The following DNAH11 variants were observed in gnomAD, a reference collection of about 807,000 sequenced individuals.
The protein encoded by DNAH11 is axonemal beta dynein heavy chain 11.
In DNAH11, 442 loss-of-function variants were observed where a neutral mutation model predicts 526.0. The observed-to-expected ratio is 0.84, with a 90% confidence interval of 0.78 to 0.91. The LOEUF is 0.91. Ranked by LOEUF, DNAH11 falls within the 40% of genes least tolerant of loss-of-function variation. DNAH11 has a pLI of 0.00. For synonymous variants in DNAH11, 2,461 were observed against 1,935.9 expected, an observed-to-expected ratio of 1.27 and a Z score of -7.12; for missense variants, 6,989 against 5,448.7, an observed-to-expected ratio of 1.28 and a Z score of -8.90.
At chr7:21,878,743 A>AGCT (rs1783805564) in intron 74 of DNAH11, among the ~76,000 whole-genome samples, 1 of 152,104 alleles carries the variant, frequency 6.6e-6, no homozygotes, top group South Asian at 2.1e-4. Context: ...GAAACTGAAA[A>AGCT]GCTCTCTGAT....
intron 57 of DNAH11, 114 bp downstream of exon 57, chr7:21,779,218 T>TA: frequency 7.7e-7 from 1 of 1,294,740 alleles, no homozygotes; most frequent in Non-Finnish European, 1.0e-6. Flanking sequence ...TCTAAAGAAT[T>TA]ATTATAGTTA....
At chr7:21,548,857 C>T (rs1250757877) in intron 2 of DNAH11, among the ~76,000 whole-genome samples, 2 of 151,704 alleles carry the variant, frequency 1.3e-5, no homozygotes, top group Admixed American at 6.6e-5. Flanking sequence ...ATCTGACCTC[C>T]GCAATGTGGG....
chr7:21,641,574 C>G (rs1787132222), intron 28 of DNAH11, among the ~76,000 whole-genome samples: 1 of 152,234 alleles, frequency 6.6e-6, no homozygotes, highest in Non-Finnish European at 1.5e-5. Context: ...GTCACCAACT[C>G]TGTTCACCCT....
intron 68 of DNAH11, 66 bp downstream of exon 68, chr7:21,854,521 A>C (rs1782760372): frequency 6.9e-7 from 1 of 1,441,620 alleles, no homozygotes; most frequent in Admixed American, 2.1e-5. Context: ...GGAACATTGG[A>C]ATTTATTTTA....
At chr7:21,894,077 C>A (rs1562608112) in intron 77 of DNAH11, among the ~76,000 whole-genome samples, 1 of 152,070 alleles carries the variant, frequency 6.6e-6, no homozygotes, top group Non-Finnish European at 1.5e-5. Context: ...TTAGTAGAGA[C>A]AGAGTTTCAC....
At position 21,793,793 on chromosome 7, in the gene DNAH11, T is replaced by A. The variant is rs531203238; in HGVS notation, c.10026+4451T>A. On this transcript the variant is annotated intron_variant, in intron 61 of 81. Transcript: ENST00000409508. ...GTGTTGAAGTCCCCTGCTATTACTG[T>A]ATTTCAGTCTATCCACTTAGATCTA... Among the ~76,000 whole-genome samples the A allele has an allele frequency of 1.0e-3, 159 of 152,336 alleles. 1 individual carries two copies. Among genetic ancestry groups the A allele is most frequent in the African/African-American group, 3.7e-3 (152 of 41,584 alleles).
intron 79 of DNAH11, among the ~76,000 whole-genome samples, chr7:21,897,114 C>G (rs964529995): frequency 6.6e-6 from 1 of 152,006 alleles, no homozygotes; most frequent in African/African-American, 2.4e-5. Flanking sequence ...ATTATCAGTT[C>G]CAGGTTTTTT....
intron 12 of DNAH11, among the ~76,000 whole-genome samples, chr7:21,589,621 G>T (rs1434293274): frequency 1.3e-5 from 2 of 151,614 alleles, no homozygotes; most frequent in African/African-American, 2.4e-5. Flanking sequence ...TCTTTACCAC[G>T]CCACCCTCAC....
intron 14 of DNAH11, among the ~76,000 whole-genome samples, chr7:21,599,406 C>G (rs1773422890): frequency 1.3e-5 from 2 of 152,174 alleles, no homozygotes; most frequent in African/African-American, 2.4e-5. Context: ...TGACAGATCT[C>G]TTTATTTATA....
At chr7:21,675,513 C>G (rs1430148953) in intron 30 of DNAH11, among the ~76,000 whole-genome samples, 2 of 152,246 alleles carry the variant, frequency 1.3e-5, no homozygotes, top group Admixed American at 6.5e-5. Context: ...ATACTTTCTA[C>G]TTGCCCTAGC....
intron 28 of DNAH11, among the ~76,000 whole-genome samples, chr7:21,646,583 G>A (rs1787364118): frequency 6.6e-6 from 1 of 152,134 alleles, no homozygotes. Flanking sequence ...GCAGAGTGCT[G>A]AATAGTGCAC....
chr7:21,659,266 G>T (rs1782149150), intron 30 of DNAH11, among the ~76,000 whole-genome samples: 1 of 148,062 alleles, frequency 6.8e-6, no homozygotes, highest in African/African-American at 2.5e-5. Context: ...CTCTAGGATA[G>T]CACTCATACT....
chr7:21,851,783 C>T (rs903344829), intron 66 of DNAH11: 1 of 410,494 alleles, frequency 2.4e-6, no homozygotes, highest in Non-Finnish European at 5.0e-6. Flanking sequence ...TGTCCTGTGA[C>T]CTCCGTTCTC....
At chr7:21,772,038 A>G (rs1301966578) in intron 55 of DNAH11, among the ~76,000 whole-genome samples, 2 of 152,210 alleles carry the variant, frequency 1.3e-5, no homozygotes, top group African/African-American at 2.4e-5. Context: ...GAATGCAGGG[A>G]AGACCAGTCA....
chr7:21,710,588 C>A lies in DNAH11; in HGVS notation c.6719C>A (p.Ser2240Tyr), dbSNP rs1395065204. 2 of 1,612,074 alleles carry A rather than the reference C, an allele frequency of 1.2e-6. No individual in the cohort carries two copies. The highest frequency in any genetic ancestry group is 1.7e-6 in the Non-Finnish European group (2 of 1,178,588). ...VYSYFIGLFS[S>Y]ILREQANLKH... ...TCTTATTTTATAGGTCTCTTCTCAT[C>A]CATTCTACGAGAACAAGCAAATCTT... The change falls in exon 41 of 82, where the codon TCC becomes TAC. Residue 2240 changes from serine to tyrosine, a missense_variant. Coordinates refer to ENST00000409508, the MANE Select transcript of DNAH11 (RefSeq NM_001277115.2).
chr7:21,605,347 A>T (rs1785240761), intron 18 of DNAH11, among the ~76,000 whole-genome samples: 1 of 152,236 alleles, frequency 6.6e-6, no homozygotes, highest in Non-Finnish European at 1.5e-5. Context: ...GATGACCGAG[A>T]GGAACAATTC....
chr7:21,702,060 GA>G (rs1298544956), intron 36 of DNAH11, among the ~76,000 whole-genome samples: 2 of 152,090 alleles, frequency 1.3e-5, no homozygotes, highest in Admixed American at 1.3e-4. Context: ...AAAGCCAGAA[GA>G]AAAAATGTAA....
chr7:21,599,664 G>T, intron 14 of DNAH11, 123 bp from the exon 15 acceptor site: 1 of 662,842 alleles, frequency 1.5e-6, no homozygotes, highest in Non-Finnish European at 2.3e-6. Context: ...CTTAGTATTT[G>T]AATGTTCCTG....
intron 46 of DNAH11, among the ~76,000 whole-genome samples, chr7:21,738,420 G>A (rs560454855): frequency 1.3e-5 from 2 of 152,258 alleles, no homozygotes; most frequent in African/African-American, 4.8e-5. Context: ...CAATTGGGTT[G>A]TTTCAGCTGT....
Sources: allele counts gnomAD v4.1 joint callset (sites outside exome capture counted in the v4.1 genomes callset), GRCh38; gene constraint gnomAD v4.1.1; transcripts MANE v1.5; gene names NCBI Gene and HGNC (gene_info 2026-07-23, HGNC 2026-07-21).